The following MAPRE3 variants were observed in gnomAD, a reference collection of about 807,000 sequenced individuals.
The protein encoded by MAPRE3 is microtubule associated protein RP/EB family member 3, also known as microtubule-associated protein RP/EB family member 3.
A neutral mutation model predicts 30.5 loss-of-function variants in MAPRE3; 2 were observed. The observed-to-expected ratio is 0.07, with a 90% confidence interval of 0.03 to 0.21. The LOEUF (loss-of-function observed/expected upper bound fraction) is 0.21. Ranked by LOEUF, MAPRE3 falls within the 10% of genes least tolerant of loss-of-function variation. The pLI is 1.00. For missense variants in MAPRE3, 204 were observed against 351.8 expected, an observed-to-expected ratio of 0.58 and a Z score of 3.36; for synonymous variants, 110 against 127.7, an observed-to-expected ratio of 0.86 and a Z score of 0.93.
intron 1 of MAPRE3, among the ~76,000 whole-genome samples, chr2:26,978,966 CA>C (rs1198511545): frequency 2.0e-5 from 3 of 152,176 alleles, no homozygotes; most frequent in Non-Finnish European, 4.4e-5. Context: ...TTAAGGAATT[CA>C]GCTAATATTC....
At chr2:26,982,859 G>A (rs1666142504) in intron 1 of MAPRE3, among the ~76,000 whole-genome samples, 1 of 152,136 alleles carries the variant, frequency 6.6e-6, no homozygotes, top group Non-Finnish European at 1.5e-5. Context: ...CTATGAAATG[G>A]TACCTAGGAG....
chr2:26,973,546 GTTTT>G (rs68169162), intron 1 of MAPRE3, among the ~76,000 whole-genome samples: 2 of 122,282 alleles, frequency 1.6e-5, no homozygotes, highest in Non-Finnish European at 1.7e-5. Flanking sequence ...AGAAAATATA[GTTTT>G]TTTTTTTTTT....
chr2:26,980,044 A>G (rs746348697), intron 1 of MAPRE3, among the ~76,000 whole-genome samples: 1 of 152,208 alleles, frequency 6.6e-6, no homozygotes, highest in Non-Finnish European at 1.5e-5. Flanking sequence ...GCAGAGTACA[A>G]AGACCAGAGC....
intron 1 of MAPRE3, 43 bp from the exon 2 acceptor site, chr2:27,022,169 A>G (rs1365925529): frequency 4.4e-6 from 7 of 1,603,048 alleles, no homozygotes; most frequent in Non-Finnish European, 5.1e-6. Context: ...AAGGAGCTAC[A>G]TGAGGCCCCA....
At chr2:27,000,052 T>C (rs189230474) in intron 1 of MAPRE3, among the ~76,000 whole-genome samples, 146 of 152,342 alleles carry the variant, frequency 9.6e-4, no homozygotes, top group African/African-American at 3.4e-3. Flanking sequence ...TTCTACCAAT[T>C]CTCAGTTGTT....
At chr2:26,971,036 C>T (rs1002661609) in intron 1 of MAPRE3, among the ~76,000 whole-genome samples, 2 of 152,178 alleles carry the variant, frequency 1.3e-5, no homozygotes, top group Non-Finnish European at 2.9e-5. Flanking sequence ...CTCCCCTCCC[C>T]TTCCCTCCGT....
intron 1 of MAPRE3, among the ~76,000 whole-genome samples, chr2:26,972,758 G>T (rs143646366): frequency 1.3e-5 from 2 of 152,240 alleles, no homozygotes; most frequent in Admixed American, 1.3e-4. Flanking sequence ...GATCAGGAGG[G>T]TGTAAGTAAA....
Position 26,975,923 on chromosome 2 carries a change from C to T in MAPRE3, c.-8+5121C>T, listed in dbSNP as rs187427522. 9.3e-5 allele frequency among the ~76,000 whole-genome samples: 14 copies of T among 150,728 alleles called. No homozygotes were observed. In the East Asian group the frequency reaches 2.3e-3, roughly 25 times the overall value. ...TCAGCCCAGGGTACTTAACTGACCA[C>T]CTACCCCATCAACTCTTCCTAGTCT... On this transcript the variant is annotated intron_variant, in intron 1 of 6. Coordinates refer to ENST00000233121, the MANE Select transcript of MAPRE3 (RefSeq NM_012326.4).
intron 1 of MAPRE3, among the ~76,000 whole-genome samples, chr2:26,991,015 A>C (rs1666327371): frequency 6.6e-6 from 1 of 152,202 alleles, no homozygotes; most frequent in Non-Finnish European, 1.5e-5. Flanking sequence ...GCACTTTGGG[A>C]GGCCGAGGCG....
intron 1 of MAPRE3, among the ~76,000 whole-genome samples, chr2:26,990,914 C>A (rs985727981): frequency 1.3e-5 from 2 of 152,138 alleles, no homozygotes; most frequent in African/African-American, 2.4e-5. Context: ...TCACCAGTGC[C>A]CAGCATTTCC....
intron 1 of MAPRE3, among the ~76,000 whole-genome samples, chr2:26,996,522 G>A (rs1346050703): frequency 6.6e-6 from 1 of 152,152 alleles, no homozygotes; most frequent in Non-Finnish European, 1.5e-5. Flanking sequence ...CTTCACCAGG[G>A]CCGGGCGCGG....
intron 1 of MAPRE3, among the ~76,000 whole-genome samples, chr2:26,976,473 G>A (rs1375653002): frequency 1.3e-5 from 2 of 152,182 alleles, no homozygotes; most frequent in East Asian, 1.9e-4. Context: ...GCCAAGTTTC[G>A]TGAAGCATGC....
intron 1 of MAPRE3, among the ~76,000 whole-genome samples, chr2:26,981,459 G>C (rs1272030894): frequency 6.6e-6 from 1 of 152,134 alleles, no homozygotes; most frequent in African/African-American, 2.4e-5. Context: ...GAATATGAGG[G>C]ATGAGCAGTA....
intron 1 of MAPRE3, among the ~76,000 whole-genome samples, chr2:27,003,358 T>C (rs1666646377): frequency 6.6e-6 from 1 of 151,842 alleles, no homozygotes; most frequent in Non-Finnish European, 1.5e-5. Flanking sequence ...CCAGACCACA[T>C]CACTACCCCT....
chr2:27,024,239 A>T lies in MAPRE3; in HGVS notation c.411A>T (p.Pro137=). ...LLARQGQDVA[P]PPNPGDQIFN... is the part of the protein sequence containing the mutation. Reference sequence around the variant, plus strand: ...CGCGGCAGGGCCAGGACGTAGCGCCACCTCCTAACCCAGGTGATCAGATCT... The same window carrying T: ...CGCGGCAGGGCCAGGACGTAGCGCCTCCTCCTAACCCAGGTGATCAGATCT... The change falls in exon 4 of 7, where the codon CCA becomes CCT. Residue 137 remains proline, a synonymous_variant. Coordinates refer to ENST00000233121, the MANE Select transcript of MAPRE3 (RefSeq NM_012326.4). The T allele has an allele frequency of 6.2e-7, 1 of 1,614,150 alleles. No individual in the cohort carries two copies. The highest frequency in any genetic ancestry group is 8.5e-7 in the Non-Finnish European group (1 of 1,180,002).
Position 26,983,161 on chromosome 2 carries a change from C to T in MAPRE3, c.-8+12359C>T, listed in dbSNP as rs140758863. 6.5e-4 allele frequency among the ~76,000 whole-genome samples: 99 copies of T among 152,294 alleles called. 1 individual carries two copies. Among genetic ancestry groups the T allele is most frequent in the African/African-American group, 2.2e-3 (91 of 41,560 alleles). On this transcript the variant is annotated intron_variant, in intron 1 of 6. Coordinates refer to ENST00000233121, the MANE Select transcript of MAPRE3 (RefSeq NM_012326.4). ...AGAGACAGAGATAGACATTCAGAGACGGAACCCACCACATAATCTGTGCTT... is the reference window on the plus strand; with the variant it reads ...AGAGACAGAGATAGACATTCAGAGATGGAACCCACCACATAATCTGTGCTT...
chr2:26,970,955 C>G (rs1435755734), intron 1 of MAPRE3, among the ~76,000 whole-genome samples, 153 bp downstream of exon 1: 1 of 151,722 alleles, frequency 6.6e-6, no homozygotes, highest in Admixed American at 6.5e-5. Flanking sequence ...GGTCAACCCC[C>G]TCCATCCCTG....
intron 1 of MAPRE3, among the ~76,000 whole-genome samples, chr2:26,992,229 A>AT (rs34619033): frequency 0.58 from 84,461 of 146,666 alleles, 24,396 homozygotes; most frequent in East Asian, 0.76. Flanking sequence ...TTACCAGATA[A>AT]TTTTTTTTTT....
chr2:26,991,035 C>T (rs574445594), intron 1 of MAPRE3, among the ~76,000 whole-genome samples: 24 of 152,276 alleles, frequency 1.6e-4, no homozygotes, highest in South Asian at 1.0e-3. Context: ...GGGCGGATCA[C>T]GAGGTCTGCA....
Sources: allele counts gnomAD v4.1 joint callset (sites outside exome capture counted in the v4.1 genomes callset), GRCh38; gene constraint gnomAD v4.1.1; transcripts MANE v1.5; gene names NCBI Gene and HGNC (gene_info 2026-07-23, HGNC 2026-07-21).